The following SCUBE3 variants were observed in gnomAD, a reference collection of about 807,000 sequenced individuals.
SCUBE3 encodes signal peptide, CUB and EGF-like domain-containing protein 3.
SCUBE3 carries 33 observed loss-of-function variants against 116.8 expected under a neutral mutation model. The observed-to-expected ratio is 0.28, with a 90% CI of 0.21 to 0.38. The LOEUF is 0.38. Among genes scored for constraint, SCUBE3 ranks in the 10% least tolerant of loss-of-function variants. SCUBE3 has a pLI of 1.00. For missense variants in SCUBE3, 1,007 were observed against 1,324.8 expected (o/e 0.76, Z 3.72); for synonymous variants, 418 against 496.9 (o/e 0.84, Z 2.11).
At chr6:35,216,869 G>C (rs1220565760) in intron 1 of SCUBE3, among the ~76,000 whole-genome samples, 1 of 152,124 alleles carries the variant, frequency 6.6e-6, no homozygotes, top group Non-Finnish European at 1.5e-5. Flanking sequence ...CATGTGGAAG[G>C]GGGGAAAGGG....
In SCUBE3 at chr6:35,227,337, A is replaced by T. The variant is rs117945920; in HGVS notation, c.86-243A>T. 2.1e-3 allele frequency among the ~76,000 whole-genome samples: 319 copies of T among 152,284 alleles called. 8 individuals carry two copies. In the East Asian group the frequency reaches 0.052, roughly 25 times the overall value. Reference sequence around the variant, plus strand: ...AATAAAAAAAGGAGTGTTTCGAATGATGGAGTTTTAGCTGTCACTGTGAAT... The same window carrying T: ...AATAAAAAAAGGAGTGTTTCGAATGTTGGAGTTTTAGCTGTCACTGTGAAT... On this transcript the variant is annotated intron_variant, in intron 1 of 21. Coordinates refer to ENST00000274938, the MANE Select transcript of SCUBE3 (RefSeq NM_152753.4).
At position 35,235,483 on chromosome 6, in the gene SCUBE3, C is replaced by A; in HGVS notation, c.712+2182C>A. 1.6e-6 allele frequency: 2 copies of A among 1,286,284 alleles called. No homozygotes were observed. The highest frequency in any genetic ancestry group is 2.0e-6 in the Non-Finnish European group (2 of 985,660). 79.7% of individuals were successfully genotyped at this position (1,286,284 alleles called of 1,614,324 possible). A position where few individuals can be genotyped will look rare whatever the true frequency, so the allele number is the denominator to read the frequency against. Reference sequence around the variant, plus strand: ...TAGAGCAGCACATCCCCACTCAAGCCGTTTCTAATGGTAAATATGTCTGCT... The same window carrying A: ...TAGAGCAGCACATCCCCACTCAAGCAGTTTCTAATGGTAAATATGTCTGCT... On this transcript the variant is annotated intron_variant, in intron 6 of 21. Coordinates refer to ENST00000274938, the MANE Select transcript of SCUBE3 (RefSeq NM_152753.4). The surrounding 1 kb of genome is among the most constrained non-coding windows in gnomAD (Gnocchi z 4.5).
Position 35,219,928 on chromosome 6 carries a change from A to G in SCUBE3, c.85+5425A>G, listed in dbSNP as rs894637103. Among the ~76,000 whole-genome samples the G allele has an allele frequency of 8.5e-5, 13 of 152,082 alleles. No individual in the cohort carries two copies. Among genetic ancestry groups the G allele is most frequent in the African/African-American group, 2.9e-4 (12 of 41,406 alleles). On this transcript the variant is annotated intron_variant, in intron 1 of 21. Coordinates refer to ENST00000274938, the MANE Select transcript of SCUBE3 (RefSeq NM_152753.4). The surrounding 1 kb of genome is among the most constrained non-coding windows in gnomAD (Gnocchi z 4.7). ...GCAGGCAACACCTGCCCACTGTTGC[A>G]TTGCCCACCCTTTCCTTATTGCAAC...
rs1783031627 is a variant in SCUBE3 at position 35,219,066 on chromosome 6, G to A, written c.85+4563G>A. Among the ~76,000 whole-genome samples the A allele has an allele frequency of 6.6e-6, 1 of 152,078 alleles. No homozygotes were observed. The highest frequency in any genetic ancestry group is 1.5e-5 in the Non-Finnish European group (1 of 68,020). ...CCAAATCTCAGGCGCTCTCCTCCTTGGATGCTGGTCCACTTCTGCCTGCCT... is the reference window on the plus strand; with the variant it reads ...CCAAATCTCAGGCGCTCTCCTCCTTAGATGCTGGTCCACTTCTGCCTGCCT... On this transcript the variant is annotated intron_variant, in intron 1 of 21. Coordinates refer to ENST00000274938, the MANE Select transcript of SCUBE3 (RefSeq NM_152753.4). The surrounding 1 kb of genome is among the most constrained non-coding windows in gnomAD (Gnocchi z 4.7).
chr6:35,228,545 G>C lies in SCUBE3; in HGVS notation c.209-69G>C. ...CATAACTATGTAAACACAACCATAA[G>C]GCTGAGTCTGGGGGTGGACAGTGGG... On this transcript the variant is annotated intron_variant, in intron 2 of 21. Transcript: ENST00000274938. The surrounding 1 kb of genome is among the most constrained non-coding windows in gnomAD (Gnocchi z 4.9). The C allele has an allele frequency of 3.2e-6, 5 of 1,568,936 alleles. No homozygotes were observed. Among genetic ancestry groups the C allele is most frequent in the Non-Finnish European group, 4.4e-6 (5 of 1,145,198 alleles).
chr6:35,214,328 T>A lies in SCUBE3; in HGVS notation c.-91T>A. 1.6e-5 allele frequency: 11 copies of A among 692,630 alleles called. No homozygotes were observed. The highest frequency in any genetic ancestry group is 2.0e-5 in the Non-Finnish European group (10 of 495,994). The allele number at this position is 692,630 out of a possible 1,614,324, so 42.9% of individuals were successfully genotyped here. ...GGCCCCGGCGGGGCGCCCCCTCCCC[T>A]CCCCCTCCTGCGAGCTGGGATCCGG... is the stretch of plus-strand genomic sequence containing the variant. On this transcript the variant is annotated 5_prime_UTR_variant, in exon 1 of 22. Coordinates refer to ENST00000274938, the MANE Select transcript of SCUBE3 (RefSeq NM_152753.4). The surrounding 1 kb of genome is among the most constrained non-coding windows in gnomAD (Gnocchi z 6.3).
At position 35,219,551 on chromosome 6, in the gene SCUBE3, C is replaced by T. The variant is rs537730528; in HGVS notation, c.85+5048C>T. On this transcript the variant is annotated intron_variant, in intron 1 of 21. Transcript: ENST00000274938. The surrounding 1 kb of genome is among the most constrained non-coding windows in gnomAD (Gnocchi z 4.7). ...TGGGGTTTGGATTTCTGAGCCTACACCAGGGGCTCTTCAGGTCTGGTCACT... is the reference window on the plus strand; with the variant it reads ...TGGGGTTTGGATTTCTGAGCCTACATCAGGGGCTCTTCAGGTCTGGTCACT... 6.6e-6 allele frequency among the ~76,000 whole-genome samples: 1 copy of T among 152,248 alleles called. No homozygotes were observed. Among genetic ancestry groups the T allele is most frequent in the African/African-American group, 2.4e-5 (1 of 41,520 alleles).
Position 35,241,526 on chromosome 6 carries a change from C to T in SCUBE3, c.1196-17C>T, listed in dbSNP as rs1336744253. On this transcript the variant is annotated splice_polypyrimidine_tract_variant and intron_variant, in intron 10 of 21. Transcript: ENST00000274938. The surrounding 1 kb of genome is among the most constrained non-coding windows in gnomAD (Gnocchi z 4.1). ...AAGGAATGCATTCATTTGCTCAGGC[C>T]TCTCTCCCCTTCCTAGAGCCACTGA... 2 of 1,570,010 alleles carry T rather than the reference C, an allele frequency of 1.3e-6. No homozygotes were observed. The highest frequency in any genetic ancestry group is 2.2e-5 in the South Asian group (2 of 90,212).
At chr6:35,226,480 C>CTT (rs764779695) in intron 1 of SCUBE3, among the ~76,000 whole-genome samples, 2,644 of 85,194 alleles carry the variant, frequency 0.031, 330 homozygotes, top group African/African-American at 0.089. Flanking sequence ...TTTCTATGTC[C>CTT]TTTTTTTTTT....
At position 35,231,349 on chromosome 6, in the gene SCUBE3, AC is replaced by A. The variant is rs1783540322; in HGVS notation, c.335-374del. Among the ~76,000 whole-genome samples, 1 of 152,120 alleles carries A rather than the reference AC, an allele frequency of 6.6e-6. No individual in the cohort carries two copies. The highest frequency in any genetic ancestry group is 1.5e-5 in the Non-Finnish European group (1 of 68,020). On this transcript the variant is annotated intron_variant, in intron 3 of 21. Transcript: ENST00000274938. This position sits in a 1 kb window ranked among gnomAD's most constrained non-coding sequence, Gnocchi z 4.2. ...TTGCAACCAGCTGCAACCCCCAGTT[AC>A]CTATCCGACCAATGTGACCAATCTC... is the stretch of plus-strand genomic sequence containing the variant.
At position 35,214,765 on chromosome 6, in the gene SCUBE3, C is replaced by T. The variant is rs530625351; in HGVS notation, c.85+262C>T. Among the ~76,000 whole-genome samples, 11 of 152,338 alleles carry T rather than the reference C, an allele frequency of 7.2e-5. No homozygotes were observed. The East Asian group carries it at 1.9e-3, about 27-fold the overall frequency. On this transcript the variant is annotated intron_variant, in intron 1 of 21. Transcript: ENST00000274938. The surrounding 1 kb of genome is among the most constrained non-coding windows in gnomAD (Gnocchi z 6.3). ...GAAGAGACCACGCGCCTCAGAATTC[C>T]GCTCGACTTCATCCACTCCCAGCAT... is the stretch of plus-strand genomic sequence containing the variant.
At chr6:35,237,612 A>C (rs963808599) in intron 6 of SCUBE3, among the ~76,000 whole-genome samples, 5 of 146,752 alleles carry the variant, frequency 3.4e-5, no homozygotes, top group Non-Finnish European at 7.5e-5. Flanking sequence ...CCCCCTCGGC[A>C]CATTCCTGCC....
Position 35,243,293 on chromosome 6 carries a change from C to A in SCUBE3, c.1909+57C>A. On this transcript the variant is annotated intron_variant, in intron 15 of 21. Transcript: ENST00000274938. This position sits in a 1 kb window ranked among gnomAD's most constrained non-coding sequence, Gnocchi z 6.6. ...GGAAAGACCCAGTTTGGGCCTGACTCAGAGCAGGACCCTTTGTGGCCTCAG... is the reference window on the plus strand; with the variant it reads ...GGAAAGACCCAGTTTGGGCCTGACTAAGAGCAGGACCCTTTGTGGCCTCAG... 2 of 1,418,062 alleles carry A rather than the reference C, an allele frequency of 1.4e-6. No homozygotes were observed. The highest frequency in any genetic ancestry group is 2.0e-6 in the Non-Finnish European group (2 of 1,012,510). 87.8% of individuals were successfully genotyped at this position (1,418,062 alleles called of 1,614,324 possible).
At position 35,248,667 on chromosome 6, in the gene SCUBE3, C is replaced by G. The variant is rs781373528; in HGVS notation, c.2944C>G (p.Arg982Gly). ...GCCAAAATCCTTCATCAAGCTGCTC[C>G]GCTCCAAAGTTTCCAGCTTCCTGAG... is the stretch of plus-strand genomic sequence containing the variant. The part of the protein sequence containing the change: ...MLPKSFIKLL[R>G]SKVSSFLRPY... The change falls in exon 22 of 22, where the codon CGC (arginine) becomes GGC (glycine). Residue 982 changes from arginine to glycine, a missense_variant. Arg to Gly is a moderately radical substitution (Grantham distance 125, BLOSUM62 -2). Around this residue, in one of 5 missense-constraint regions of SCUBE3, gnomAD observed 118 missense variants for 196.6 expected, o/e 0.60. Coordinates refer to ENST00000274938, the MANE Select transcript of SCUBE3 (RefSeq NM_152753.4). 2 of 1,614,076 alleles carry G rather than the reference C, an allele frequency of 1.2e-6. No individual in the cohort carries two copies. Among genetic ancestry groups the G allele is most frequent in the Non-Finnish European group, 1.7e-6 (2 of 1,179,998 alleles).
Position 35,235,550 on chromosome 6 carries a change from C to A in SCUBE3, c.712+2249C>A. The A allele has an allele frequency of 2.0e-6, 2 of 1,003,916 alleles. No individual in the cohort carries two copies. The highest frequency in any genetic ancestry group is 2.7e-6 in the Non-Finnish European group (2 of 727,912). 62.2% of individuals were successfully genotyped at this position (1,003,916 alleles called of 1,614,324 possible). Reference sequence around the variant, plus strand: ...ACTGGCTTGCTAGGGGAAGGGCTAACCCGCTGGGGCTCCCACTAACTGCAT... The same window carrying A: ...ACTGGCTTGCTAGGGGAAGGGCTAAACCGCTGGGGCTCCCACTAACTGCAT... On this transcript the variant is annotated intron_variant, in intron 6 of 21. Transcript: ENST00000274938. This position sits in a 1 kb window ranked among gnomAD's most constrained non-coding sequence, Gnocchi z 4.5.
Position 35,231,747 on chromosome 6 carries a change from C to T in SCUBE3, c.357C>T (p.Gly119=). The change falls in exon 4 of 22, where the codon GGC becomes GGT. Residue 119 remains glycine, a synonymous_variant. Coordinates refer to ENST00000274938, the MANE Select transcript of SCUBE3 (RefSeq NM_152753.4). This position sits in a 1 kb window ranked among gnomAD's most constrained non-coding sequence, Gnocchi z 4.2. ...NCLDVDECAE[G]NGGCQQSCVN... ...CAGATGTGGACGAGTGTGCCGAGGGCAACGGCGGCTGTCAGCAGAGCTGTG... is the reference window on the plus strand; with the variant it reads ...CAGATGTGGACGAGTGTGCCGAGGGTAACGGCGGCTGTCAGCAGAGCTGTG... The T allele has an allele frequency of 1.2e-6, 2 of 1,613,018 alleles. 1 individual carries two copies. Among genetic ancestry groups the T allele is most frequent in the South Asian group, 2.2e-5 (2 of 91,032 alleles).
chr6:35,231,793 G>C lies in SCUBE3; in HGVS notation c.403G>C (p.Glu135Gln). Residue 135 changes from glutamate to glutamine, a missense_variant, in exon 4 of 22, where the codon GAG (glutamate) becomes CAG (glutamine). Coordinates refer to ENST00000274938, the MANE Select transcript of SCUBE3 (RefSeq NM_152753.4). This position sits in a 1 kb window ranked among gnomAD's most constrained non-coding sequence, Gnocchi z 4.2. Reference protein sequence around the residue: ...QSCVNMMGSYECHCREGFFLS... With the variant: ...QSCVNMMGSYQCHCREGFFLS... ...CTGTGTCAACATGATGGGCAGCTATGAGTGCCACTGCCGGGAAGGCTTCTT... is the reference window on the plus strand; with the variant it reads ...CTGTGTCAACATGATGGGCAGCTATCAGTGCCACTGCCGGGAAGGCTTCTT... The C allele has an allele frequency of 6.2e-7, 1 of 1,613,646 alleles. No homozygotes were observed. The highest frequency in any genetic ancestry group is 8.5e-7 in the Non-Finnish European group (1 of 1,179,610).
rs780885534 is a variant in SCUBE3, at chr6:35,243,921, C to G, written c.2072-42C>G. On this transcript the variant is annotated intron_variant, in intron 16 of 21. Transcript: ENST00000274938. The surrounding 1 kb of genome is among the most constrained non-coding windows in gnomAD (Gnocchi z 6.6). Reference sequence around the variant, plus strand: ...ATCGGGTGACCCCATGGGGATGACTCAGGACCATCCCCATCAGAGTTGGGC... The same window carrying G: ...ATCGGGTGACCCCATGGGGATGACTGAGGACCATCCCCATCAGAGTTGGGC... The G allele has an allele frequency of 3.1e-6, 5 of 1,600,550 alleles. No individual in the cohort carries two copies. Among genetic ancestry groups the G allele is most frequent in the East Asian group, 4.5e-5 (2 of 44,774 alleles).
At chr6:35,226,697 C>T (rs114104894) in intron 1 of SCUBE3, among the ~76,000 whole-genome samples, 42 of 152,112 alleles carry the variant, frequency 2.8e-4, no homozygotes, top group Non-Finnish European at 5.3e-4. Flanking sequence ...TCAGGCTGGT[C>T]TCGAACTCCT....
Sources: allele counts gnomAD v4.1 joint callset (sites outside exome capture counted in the v4.1 genomes callset), GRCh38; gene constraint gnomAD v4.1.1; regional missense constraint gnomAD v4.1.1; non-coding constraint Gnocchi (gnomAD v3.1); transcripts MANE v1.5; gene names NCBI Gene and HGNC (gene_info 2026-07-23, HGNC 2026-07-21).